The following FRMD3 variants were observed in gnomAD, a reference collection of about 807,000 sequenced individuals.
FRMD3 encodes the protein FERM domain-containing protein 3.
FRMD3 carries 33 observed loss-of-function variants against 70.2 expected under a neutral mutation model. The ratio of observed to expected loss-of-function variants is 0.47; its 90% CI spans 0.36 to 0.63. The LOEUF (loss-of-function observed/expected upper bound fraction) is 0.63, where lower values mean the gene tolerates loss of function less well. Ranked by LOEUF, FRMD3 falls within the 20% of genes least tolerant of loss-of-function variation. The pLI is 0.00. For missense variants in FRMD3, 632 were observed against 711.4 expected (o/e 0.89, Z 1.27); for synonymous variants, 279 against 255.9 (o/e 1.09, Z -0.86).
In FRMD3 at chr9:83,247,921, T is replaced by C; in HGVS notation, c.1791A>G (p.Ser597=). Reference sequence around the variant, plus strand: ...TTAGTCACGTGAGAGATTAACTTCATGAGCAACCCAGCATGTAGAGGATGA... The same window carrying C: ...TTAGTCACGTGAGAGATTAACTTCACGAGCAACCCAGCATGTAGAGGATGA... ...VHLILYMLGC[S] is the part of the protein sequence containing the mutation. Residue 597 remains serine (S), a synonymous_variant, in exon 14 of 14, where the codon TCA becomes TCG. Transcript: ENST00000304195. 6.2e-7 allele frequency: 1 copy of C among 1,613,096 alleles called. No homozygotes were observed. Among genetic ancestry groups the C allele is most frequent in the Non-Finnish European group, 8.5e-7 (1 of 1,179,222 alleles).
chr9:83,475,103 A>T (rs1828363320), intron 1 of FRMD3, among the ~76,000 whole-genome samples: 1 of 152,200 alleles, frequency 6.6e-6, no homozygotes, highest in African/African-American at 2.4e-5. Context: ...AGTGCCCAAC[A>T]TTCAATTAAA....
At chr9:83,260,401 G>A (rs1032970090) in intron 13 of FRMD3, among the ~76,000 whole-genome samples, 9 of 152,078 alleles carry the variant, frequency 5.9e-5, no homozygotes, top group African/African-American at 1.9e-4. Flanking sequence ...GAAGCCCAGA[G>A]AGACTCTCAC....
the FRMD3 span, among the ~76,000 whole-genome samples, chr9:83,566,943 C>G: frequency 6.6e-6 from 1 of 152,182 alleles, no homozygotes; most frequent in African/African-American, 2.4e-5. Context: ...AGGACGGTGG[C>G]CCTCTTTTCA....
chr9:83,265,961 A>T (rs1043843374), intron 13 of FRMD3, among the ~76,000 whole-genome samples: 1 of 152,204 alleles, frequency 6.6e-6, no homozygotes, highest in Non-Finnish European at 1.5e-5. Context: ...ACCATTTCCA[A>T]CAATAATTTG....
chr9:83,425,732 C>A (rs1190751318), intron 1 of FRMD3, among the ~76,000 whole-genome samples: 19 of 81,528 alleles, frequency 2.3e-4, no homozygotes. Context: ...ATGATGAAAC[C>A]CCCATCTCTA....
chr9:83,297,057 A>C (rs981876096), intron 12 of FRMD3, among the ~76,000 whole-genome samples: 3 of 152,256 alleles, frequency 2.0e-5, no homozygotes, highest in Admixed American at 6.5e-5. Flanking sequence ...TATTCAAACC[A>C]AAATTTACAA....
intron 10 of FRMD3, among the ~76,000 whole-genome samples, chr9:83,306,367 C>T (rs1040461695): frequency 6.6e-6 from 1 of 152,184 alleles, no homozygotes; most frequent in African/African-American, 2.4e-5. Flanking sequence ...TCAAGCCATC[C>T]GTGTCTGGCC....
At chr9:83,243,860 C>T (rs138272864), downstream of FRMD3, among the ~76,000 whole-genome samples, 10 of 152,150 alleles carry the variant, frequency 6.6e-5, no homozygotes, top group African/African-American at 1.9e-4. Context: ...GTTAGCTTTG[C>T]GCCAAACCTA....
chr9:83,526,142 T>G (rs1206731918), intron 1 of FRMD3, among the ~76,000 whole-genome samples: 2 of 152,212 alleles, frequency 1.3e-5, no homozygotes, highest in South Asian at 4.1e-4. Flanking sequence ...GCTTCTCCTC[T>G]AGTCTATCTC....
intron 3 of FRMD3, among the ~76,000 whole-genome samples, chr9:83,364,547 C>T (rs1224616845): frequency 6.6e-6 from 1 of 150,430 alleles, no homozygotes; most frequent in African/African-American, 2.5e-5. Context: ...AGAGCAAGAC[C>T]CCATCTCCAA....
At chr9:83,329,781 CT>C (rs1836179612) in intron 6 of FRMD3, among the ~76,000 whole-genome samples, 2 of 152,096 alleles carry the variant, frequency 1.3e-5, no homozygotes, top group African/African-American at 4.8e-5. Flanking sequence ...CCAATTGAGC[CT>C]TTTGAATATT....
intron 13 of FRMD3, among the ~76,000 whole-genome samples, chr9:83,276,937 T>C (rs1416077156): frequency 2.0e-5 from 3 of 152,230 alleles, no homozygotes; most frequent in African/African-American, 7.2e-5. Context: ...CTCGAACTCC[T>C]GACTTCAGGT....
At chr9:83,560,442 C>T in the FRMD3 span, among the ~76,000 whole-genome samples, 3 of 152,200 alleles carry the variant, frequency 2.0e-5, no homozygotes, top group Non-Finnish European at 4.4e-5. Context: ...CAAACTAACA[C>T]CCTGGCATCA....
intron 1 of FRMD3, among the ~76,000 whole-genome samples, chr9:83,400,729 C>T (rs1222383058): frequency 2.0e-5 from 3 of 152,156 alleles, no homozygotes; most frequent in African/African-American, 7.2e-5. Context: ...AATAGACTCA[C>T]ACAAATATAG....
intron 2 of FRMD3, among the ~76,000 whole-genome samples, chr9:83,379,888 T>C (rs533373828): frequency 1.3e-5 from 2 of 152,284 alleles, no homozygotes; most frequent in African/African-American, 2.4e-5. Context: ...AACTCCCCTA[T>C]GAGATTGAGC....
chr9:83,501,472 A>G (rs987177290), intron 1 of FRMD3, among the ~76,000 whole-genome samples: 13 of 152,234 alleles, frequency 8.5e-5, no homozygotes, highest in African/African-American at 3.1e-4. Context: ...GTGTTCTTCC[A>G]TGAGAGCACT....
At chr9:83,509,461 G>A (rs896377214) in intron 1 of FRMD3, among the ~76,000 whole-genome samples, 4 of 152,232 alleles carry the variant, frequency 2.6e-5, no homozygotes, top group African/African-American at 9.6e-5. Context: ...AATGGGTAAC[G>A]TTATTAGGTT....
the FRMD3 span, among the ~76,000 whole-genome samples, chr9:83,561,871 A>G: frequency 4.7e-3 from 721 of 152,254 alleles, 6 homozygotes; most frequent in African/African-American, 0.016. Context: ...GCCACCACAC[A>G]TCTCCTAGAT....
intron 3 of FRMD3, among the ~76,000 whole-genome samples, chr9:83,372,279 G>A (rs1384092136): frequency 6.6e-6 from 1 of 151,710 alleles, no homozygotes; most frequent in Non-Finnish European, 1.5e-5. Context: ...CTCCTCACAG[G>A]GTCCCAGGTG....
Sources: allele counts gnomAD v4.1 joint callset (sites outside exome capture counted in the v4.1 genomes callset), GRCh38; gene constraint gnomAD v4.1.1; transcripts MANE v1.5; gene names NCBI Gene and HGNC (gene_info 2026-07-23, HGNC 2026-07-21).